CDH1: variants seen among roughly 807,000 people sequenced by gnomAD.
CDH1 encodes cadherin-1.
A neutral mutation model predicts 84.5 loss-of-function variants in CDH1; 35 were observed. The ratio of observed to expected loss-of-function variants is 0.41; its 90% CI spans 0.32 to 0.55. The LOEUF (loss-of-function observed/expected upper bound fraction) is 0.55, where lower values mean the gene tolerates loss of function less well. Among genes scored for constraint, CDH1 ranks in the 20% least tolerant of loss-of-function variants. CDH1 has a pLI of 0.19. For synonymous variants in CDH1, 417 were observed against 439.0 expected (o/e 0.95, Z 0.63); for missense variants, 994 against 1,126.6 (o/e 0.88, Z 1.68).
intron 3 of CDH1, among the ~76,000 whole-genome samples, chr16:68,805,496 C>T (rs1305878952): frequency 6.6e-6 from 1 of 152,132 alleles, no homozygotes; most frequent in Admixed American, 6.6e-5. Flanking sequence ...TGTTCCTTTC[C>T]TTTCATTGTG....
chr16:68,813,224 CAAA>C, intron 8 of CDH1, 86 bp from the exon 9 acceptor site: 1 of 1,348,716 alleles, frequency 7.4e-7, no homozygotes, highest in South Asian at 1.2e-5. Flanking sequence ...AAAAGAACAA[CAAA>C]AAAAGAGGAA....
intron 2 of CDH1, among the ~76,000 whole-genome samples, chr16:68,741,322 T>C (rs919176841): frequency 1.3e-5 from 2 of 152,136 alleles, no homozygotes; most frequent in African/African-American, 4.8e-5. Flanking sequence ...ACACGTTCAA[T>C]CTGAGGAACT....
intron 2 of CDH1, among the ~76,000 whole-genome samples, chr16:68,779,979 A>T (rs963055765): frequency 6.6e-6 from 1 of 152,184 alleles, no homozygotes; most frequent in African/African-American, 2.4e-5. Flanking sequence ...TACTTCTCCC[A>T]GAATAAAAGC....
At chr16:68,815,473 A>G (rs1278632751) in intron 9 of CDH1, 42 bp from the exon 10 acceptor site, 1 of 1,613,238 alleles carries the variant, frequency 6.2e-7, no homozygotes, top group East Asian at 2.2e-5. Flanking sequence ...CTAACACAAA[A>G]TGTTTCGTTT....
chr16:68,822,085 C>G lies in CDH1; in HGVS notation c.1796C>G (p.Thr599Ser), dbSNP rs377302798. ...NDNAPIPEPR[T>S]IFFCERNPKP... ...AACGCCCCCATACCAGAACCTCGAA[C>G]TATATTCTTCTGTGAGAGGAATCCA... The change falls in exon 12 of 16, where the codon ACT becomes AGT. Residue 599 changes from threonine to serine, a missense_variant. Physicochemically the swap from Thr to Ser is moderately conservative, Grantham distance 58 (BLOSUM62 1). Around this residue, in one of 3 missense-constraint regions of CDH1, gnomAD observed 769 missense variants for 881.8 expected, o/e 0.87. Coordinates refer to ENST00000261769, the MANE Select transcript of CDH1 (RefSeq NM_004360.5). 4 of 1,614,062 alleles carry G rather than the reference C, an allele frequency of 2.5e-6. No homozygotes were observed. The South Asian group carries it at 3.3e-5, about 13-fold the overall frequency.
chr16:68,790,587 A>T (rs1307462199), intron 2 of CDH1, among the ~76,000 whole-genome samples: 1 of 152,106 alleles, frequency 6.6e-6, no homozygotes, highest in Non-Finnish European at 1.5e-5. Flanking sequence ...GAGAAAATCA[A>T]ACGCATTTCC....
At chr16:68,799,815 C>T (rs1314837413) in intron 2 of CDH1, among the ~76,000 whole-genome samples, 1 of 151,998 alleles carries the variant, frequency 6.6e-6, no homozygotes, top group Admixed American at 6.6e-5. Flanking sequence ...GAGTTTGAGA[C>T]CAGCCTGGAC....
chr16:68,774,580 T>A (rs1959676156), intron 2 of CDH1, among the ~76,000 whole-genome samples: 1 of 151,898 alleles, frequency 6.6e-6, no homozygotes, highest in Non-Finnish European at 1.5e-5. Flanking sequence ...TTCAACGTGG[T>A]GCACTCCATC....
Position 68,829,785 on chromosome 16 carries a change from T to A in CDH1, c.2427T>A (p.Asn809Lys), listed in dbSNP as rs772173832. The A allele has an allele frequency of 9.9e-6, 16 of 1,613,848 alleles. No homozygotes were observed. The South Asian group carries it at 1.8e-4, about 18-fold the overall frequency. Residue 809 changes from asparagine to lysine, a missense_variant, in exon 15 of 16, where the codon AAT becomes AAA. Physicochemically the swap from Asn to Lys is moderately conservative, Grantham distance 94. Around this residue, in one of 3 missense-constraint regions of CDH1, gnomAD observed 769 missense variants for 881.8 expected, o/e 0.87. Transcript: ENST00000261769. ...PRPANPDEIG[N>K]FIDENLKAAD... ...CTGCCAATCCCGATGAAATTGGAAATTTTATTGATGAAGTAAGTAATCCAC... is the reference window on the plus strand; with the variant it reads ...CTGCCAATCCCGATGAAATTGGAAAATTTATTGATGAAGTAAGTAATCCAC...
rs587781766 is a variant in CDH1 at position 68,808,792 on chromosome 16, A to G, written c.631A>G (p.Thr211Ala). ...PVGVFIIERE[T>A]GWLKVTEPLD... ...TGGTGTCTTTATTATTGAAAGAGAA[A>G]CAGGATGGCTGAAGGTGACAGAGCC... Residue 211 changes from threonine (T) to alanine (A), a missense_variant, in exon 5 of 16, where the codon ACA becomes GCA. Physicochemically the swap from Thr to Ala is moderately conservative, Grantham distance 58. Coordinates refer to ENST00000261769, the MANE Select transcript of CDH1 (RefSeq NM_004360.5). 1 of 1,614,068 alleles carries G rather than the reference A, an allele frequency of 6.2e-7. No individual in the cohort carries two copies. The highest frequency in any genetic ancestry group is 1.3e-5 in the African/African-American group (1 of 74,928).
At chr16:68,789,831 G>A (rs1333885664) in intron 2 of CDH1, among the ~76,000 whole-genome samples, 4 of 152,004 alleles carry the variant, frequency 2.6e-5, no homozygotes, top group Non-Finnish European at 4.4e-5. Flanking sequence ...AGGCTGAGGC[G>A]GGCGGATCAC....
rs2152130331 is a variant in CDH1 at position 68,808,855 on chromosome 16, A to G, written c.687+7A>G. Reference sequence around the variant, plus strand: ...ACGCATTGCCACATACACTGTAAGTATCTCTTAGAAGCTTGTTGACACCGG... The same window carrying G: ...ACGCATTGCCACATACACTGTAAGTGTCTCTTAGAAGCTTGTTGACACCGG... On this transcript the variant is annotated splice_region_variant and intron_variant, in intron 5 of 15. Transcript: ENST00000261769. 1.2e-6 allele frequency: 2 copies of G among 1,613,770 alleles called. No individual in the cohort carries two copies. The highest frequency in any genetic ancestry group is 1.7e-6 in the Non-Finnish European group (2 of 1,179,838).
intron 7 of CDH1, 136 bp downstream of exon 7, chr16:68,811,995 C>T: frequency 7.2e-7 from 1 of 1,383,334 alleles, no homozygotes; most frequent in Non-Finnish European, 1.0e-6. Flanking sequence ...AAGCTTGTGC[C>T]CAGAGGTTCC....
intron 2 of CDH1, chr16:68,742,379 C>T: frequency 6.6e-6 from 1 of 152,386 alleles, no homozygotes; most frequent in East Asian, 1.9e-4. Context: ...TCCCAGGTTC[C>T]AGTGATTCTC....
chr16:68,775,551 C>G (rs1379404717), intron 2 of CDH1, among the ~76,000 whole-genome samples: 1 of 152,130 alleles, frequency 6.6e-6, no homozygotes, highest in Non-Finnish European at 1.5e-5. Context: ...CGGTTGGATT[C>G]TAGGAGCAGT....
chr16:68,768,238 G>A (rs910415564), intron 2 of CDH1, among the ~76,000 whole-genome samples: 2 of 152,174 alleles, frequency 1.3e-5, no homozygotes, highest in Non-Finnish European at 2.9e-5. Flanking sequence ...GAGCCACTGC[G>A]CCCGGCTTAA....
At chr16:68,829,509 C>G in intron 14 of CDH1, 145 bp from the exon 15 acceptor site, 1 of 855,088 alleles carries the variant, frequency 1.2e-6, no homozygotes, top group Non-Finnish European at 1.9e-6. Context: ...AGCTTGAAAA[C>G]TGTCATTTTG....
At chr16:68,830,630 A>C (rs1961460020) in intron 15 of CDH1, among the ~76,000 whole-genome samples, 1 of 152,166 alleles carries the variant, frequency 6.6e-6, no homozygotes, top group Non-Finnish European at 1.5e-5. Flanking sequence ...AGGCTGTTCC[A>C]TGTTTCTGCT....
In CDH1 at chr16:68,834,104, GCAC is replaced by G; in HGVS notation, c.*609_*611del. 1 of 411,232 alleles carries G rather than the reference GCAC, an allele frequency of 2.4e-6. No individual in the cohort carries two copies. The highest frequency in any genetic ancestry group is 2.9e-5 in the Admixed American group (1 of 34,354). The allele number at this position is 411,232 out of a possible 1,614,324, so 25.5% of individuals were successfully genotyped here. ...CCCAAGTAGCTGGGACCACAGGCAT[GCAC>G]CACTACGCATGACTAATTTTTTAAA... On this transcript the variant is annotated 3_prime_UTR_variant, in exon 16 of 16. Transcript: ENST00000261769.
Sources: gnomAD v4.1 joint callset for allele counts (sites outside exome capture counted in the v4.1 genomes callset) on GRCh38, gnomAD v4.1.1 for gene constraint, gnomAD v4.1.1 regional missense constraint, MANE v1.5 for transcripts, NCBI Gene and HGNC (gene_info 2026-07-23, HGNC 2026-07-21) for gene names.